SMG9: variants seen among roughly 807,000 people sequenced by gnomAD.
The protein encoded by SMG9 is SMG9 nonsense mediated mRNA decay factor, also known as nonsense-mediated mRNA decay factor SMG9.
SMG9 carries 55 observed loss-of-function variants against 64.0 expected under a neutral mutation model. The observed-to-expected ratio is 0.86, with a 90% confidence interval of 0.69 to 1.08. SMG9 has a LOEUF of 1.08. Ranked by LOEUF, SMG9 falls within the 50% of genes least tolerant of loss-of-function variation. SMG9 has a pLI of 0.00. For missense variants in SMG9, 554 were observed against 681.3 expected (o/e 0.81, Z 2.08); for synonymous variants, 244 against 254.8 (o/e 0.96, Z 0.41).
intron 6 of SMG9, among the ~76,000 whole-genome samples, chr19:43,741,494 T>G (rs919232759): frequency 1.3e-5 from 2 of 152,088 alleles, no homozygotes; most frequent in African/African-American, 4.8e-5. Flanking sequence ...TGGAGAGATG[T>G]AAGTAGAGGA....
intron 6 of SMG9, among the ~76,000 whole-genome samples, 166 bp downstream of exon 6, chr19:43,744,606 G>C (rs1326548686): frequency 1.3e-5 from 2 of 152,188 alleles, no homozygotes; most frequent in Admixed American, 6.5e-5. Flanking sequence ...CACAGATTTA[G>C]TCCAGCCCAT....
rs1968466994 is a variant in SMG9, at chr19:43,731,085, G to A, written c.*511C>T. The A allele has an allele frequency of 1.8e-5, 18 of 981,614 alleles. No individual in the cohort carries two copies. The South Asian group carries it at 4.2e-4, about 23-fold the overall frequency. 60.8% of individuals were successfully genotyped at this position (981,614 alleles called of 1,614,324 possible). A position where few individuals can be genotyped will look rare whatever the true frequency, so the allele number is the denominator to read the frequency against. On this transcript the variant is annotated 3_prime_UTR_variant, in exon 14 of 14. Coordinates refer to ENST00000270066, the MANE Select transcript of SMG9 (RefSeq NM_019108.4). ...ATCTCCATCTGCCCGCAAGGGCTGG[G>A]TGTCCAATTTGTCCTGCTTCCCAGA...
chr19:43,742,465 T>C (rs911159384), intron 6 of SMG9, among the ~76,000 whole-genome samples: 2 of 152,162 alleles, frequency 1.3e-5, no homozygotes, highest in African/African-American at 4.8e-5. Context: ...TTTTAAAACC[T>C]GTAACCTAGG....
chr19:43,754,293 G>A (rs1388245679), intron 1 of SMG9: 1 of 152,088 alleles, frequency 6.6e-6, no homozygotes. Context: ...CTCTCTACGG[G>A]GTTCTAGAAG....
Position 43,747,627 on chromosome 19 carries a change from A to G in SMG9, c.490+6T>C. On this transcript the variant is annotated splice_donor_region_variant and intron_variant, in intron 4 of 13. Coordinates refer to ENST00000270066, the MANE Select transcript of SMG9 (RefSeq NM_019108.4). ...CCCAACCTGGTACTGCCCAGCCCCA[A>G]CTCACGGTCCATGGCTGCTGGTGCG... 1 of 1,613,812 alleles carries G rather than the reference A, an allele frequency of 6.2e-7. No individual in the cohort carries two copies. The highest frequency in any genetic ancestry group is 8.5e-7 in the Non-Finnish European group (1 of 1,179,916).
rs756834902 is a variant in SMG9, at chr19:43,750,751, T to C, written c.-6-4A>G. On this transcript the variant is annotated splice_polypyrimidine_tract_variant and splice_region_variant and intron_variant, in intron 1 of 13. Coordinates refer to ENST00000270066, the MANE Select transcript of SMG9 (RefSeq NM_019108.4). Reference sequence around the variant, plus strand: ...GTCCAGACTCAGACATGGTTACCTATGGAGGGAATGAGGGGATTTCAGGAT... The same window carrying C: ...GTCCAGACTCAGACATGGTTACCTACGGAGGGAATGAGGGGATTTCAGGAT... 9 of 1,604,490 alleles carry C rather than the reference T, an allele frequency of 5.6e-6. No individual in the cohort carries two copies. The highest frequency in any genetic ancestry group is 1.3e-5 in the African/African-American group (1 of 74,658).
intron 2 of SMG9, among the ~76,000 whole-genome samples, chr19:43,748,381 G>A (rs969856243): frequency 3.9e-5 from 6 of 152,200 alleles, no homozygotes; most frequent in Non-Finnish European, 7.4e-5. Flanking sequence ...ACCTGATCCC[G>A]CCTCGTGTTG....
At chr19:43,731,828 G>A (rs1968496250) in intron 13 of SMG9, among the ~76,000 whole-genome samples, 154 bp from the exon 14 acceptor site, 3 of 152,226 alleles carry the variant, frequency 2.0e-5, no homozygotes, top group Admixed American at 2.0e-4. Flanking sequence ...GATACAGGGA[G>A]GATCCTAACA....
intron 2 of SMG9, chr19:43,748,764 C>T (rs1242987557): frequency 1.9e-6 from 1 of 520,190 alleles, no homozygotes; most frequent in East Asian, 5.4e-5. Flanking sequence ...AGAGTCTTGA[C>T]CCCTAACTGT....
chr19:43,744,751 C>T (rs1244864905), intron 6 of SMG9, 21 bp downstream of exon 6: 19 of 1,594,912 alleles, frequency 1.2e-5, no homozygotes, highest in Non-Finnish European at 1.5e-5. Flanking sequence ...CCCTCCTGCA[C>T]CCTATCTGAT....
intron 2 of SMG9, 39 bp downstream of exon 2, chr19:43,750,553 A>C (rs1190276048): frequency 6.3e-7 from 1 of 1,579,366 alleles, no homozygotes. Flanking sequence ...GTGGAACCAA[A>C]TAGATACATG....
At chr19:43,735,021 CTG>C (rs1202778768) in intron 9 of SMG9, among the ~76,000 whole-genome samples, 1 of 152,226 alleles carries the variant, frequency 6.6e-6, no homozygotes, top group African/African-American at 2.4e-5. Flanking sequence ...TAAAAATCCT[CTG>C]TGCTGTCCCT....
At chr19:43,741,940 G>C (rs1968857248) in intron 6 of SMG9, among the ~76,000 whole-genome samples, 1 of 152,148 alleles carries the variant, frequency 6.6e-6, no homozygotes. Context: ...TTGAGGTCAG[G>C]AGTTCAAGAC....
At chr19:43,753,458 CT>C (rs745479932) in intron 1 of SMG9, among the ~76,000 whole-genome samples, 2,416 of 118,578 alleles carry the variant, frequency 0.02, 25 homozygotes, top group Middle Eastern at 0.033. Flanking sequence ...GAATGCTTTT[CT>C]TTTTTTTTTT....
rs760345526 is a variant in SMG9 at position 43,738,184 on chromosome 19, T to C, written c.847A>G (p.Ile283Val). Reference protein sequence around the residue: ...ILSPSILDHLINNDRKLPPEY... With the variant: ...ILSPSILDHLVNNDRKLPPEY... ...GGAGGCAGTTTGCGGTCATTATTGA[T>C]GAGATGGTCTAGGATAGAAGGGCTC... The change falls in exon 8 of 14, where the codon ATC becomes GTC. Residue 283 changes from isoleucine (I) to valine (V), a missense_variant. By Grantham distance (29) the Ile-to-Val change is conservative (BLOSUM62 3). Coordinates refer to ENST00000270066, the MANE Select transcript of SMG9 (RefSeq NM_019108.4). The C allele has an allele frequency of 1.2e-6, 2 of 1,614,094 alleles. No homozygotes were observed. Among genetic ancestry groups the C allele is most frequent in the South Asian group, 2.2e-5 (2 of 91,084 alleles).
chr19:43,733,819 A>T, intron 10 of SMG9, 86 bp from the exon 11 acceptor site: 1 of 916,460 alleles, frequency 1.1e-6, no homozygotes, highest in Admixed American at 2.0e-5. Context: ...ACCTGTTGTT[A>T]CCCCTGAGTT....
intron 6 of SMG9, among the ~76,000 whole-genome samples, chr19:43,741,433 G>A (rs909454774): frequency 3.3e-5 from 5 of 152,218 alleles, no homozygotes; most frequent in Non-Finnish European, 7.3e-5. Flanking sequence ...AGGATACACA[G>A]ACCCTTGTGG....
intron 7 of SMG9, among the ~76,000 whole-genome samples, chr19:43,739,037 C>A (rs970888212): frequency 5.9e-5 from 9 of 152,256 alleles, no homozygotes; most frequent in African/African-American, 2.2e-4. Flanking sequence ...CCAGCTCTCA[C>A]CCCCAGAGCC....
At chr19:43,750,174 C>G (rs1599659988) in intron 2 of SMG9, 3 of 523,924 alleles carry the variant, frequency 5.7e-6, no homozygotes, top group African/African-American at 1.9e-5. Context: ...CCTACCAGGT[C>G]CTACATGATT....
Sources: allele counts gnomAD v4.1 joint callset (sites outside exome capture counted in the v4.1 genomes callset), GRCh38; gene constraint gnomAD v4.1.1; transcripts MANE v1.5; gene names NCBI Gene and HGNC (gene_info 2026-07-23, HGNC 2026-07-21).